Variants in KCTD16 observed in about 807,000 individuals in gnomAD.
KCTD16 encodes the protein BTB/POZ domain-containing protein KCTD16.
A neutral mutation model predicts 33.2 loss-of-function variants in KCTD16; 13 were observed. The observed-to-expected ratio is 0.39, with a 90% confidence interval of 0.25 to 0.62. The LOEUF is 0.62. KCTD16 is among the 20% of genes least tolerant of loss of function. KCTD16 has a pLI of 0.50. For synonymous variants in KCTD16, 197 were observed against 195.3 expected (o/e 1.01, Z -0.07); for missense variants, 441 against 525.1 (o/e 0.84, Z 1.57).
intron 2 of KCTD16, among the ~76,000 whole-genome samples, chr5:144,195,351 C>G (rs1752921232): frequency 6.6e-6 from 1 of 152,232 alleles, no homozygotes; most frequent in South Asian, 2.1e-4. Context: ...CAACAAATGT[C>G]TGCTGATCTG....
intron 3 of KCTD16, among the ~76,000 whole-genome samples, chr5:144,334,502 A>T (rs935021551): frequency 6.6e-6 from 1 of 152,214 alleles, no homozygotes; most frequent in Non-Finnish European, 1.5e-5. Context: ...TAGTATTCTT[A>T]TGACAAAAAG....
At chr5:144,371,263 T>G (rs571536502) in intron 3 of KCTD16, among the ~76,000 whole-genome samples, 25 of 152,272 alleles carry the variant, frequency 1.6e-4, no homozygotes, top group African/African-American at 6.0e-4. Flanking sequence ...TGTACTTTCA[T>G]TTTAGGTTTT....
chr5:144,373,064 A>G lies in KCTD16; in HGVS notation c.833-100596A>G, dbSNP rs60936984. ...GACAGAATGGGAGAATTTGGTGTGA[A>G]TGATGGAATGTGGGATGTCAAGAGT... On this transcript the variant is annotated intron_variant, in intron 3 of 3. Transcript: ENST00000512467. Among the ~76,000 whole-genome samples the G allele has an allele frequency of 3.6e-3, 543 of 152,250 alleles. 5 individuals carry two copies. The highest frequency in any genetic ancestry group is 0.012 in the African/African-American group (511 of 41,560).
At position 144,178,808 on chromosome 5, in the gene KCTD16, A is replaced by G. The variant is rs112395936; in HGVS notation, c.-327+4336A>G. Among the ~76,000 whole-genome samples the G allele has an allele frequency of 1.4e-3, 219 of 152,310 alleles. 4 individuals carry two copies. The highest frequency in any genetic ancestry group is 6.8e-3 in the Middle Eastern group (2 of 294). On this transcript the variant is annotated intron_variant, in intron 2 of 3. Coordinates refer to ENST00000512467, the MANE Select transcript of KCTD16 (RefSeq NM_020768.4). ...ATTTAAAAATTGACTTCTGTACTAA[A>G]TATTATAATACACTACATCCCCTTC... is the stretch of plus-strand genomic sequence containing the variant.
rs1754546218 is a variant in KCTD16 at position 144,474,225 on chromosome 5, G to A, written c.*111G>A. Reference sequence around the variant, plus strand: ...TACAACTAATGATGCACATTTCTTAGAACACAATAGTCCATTGATATACTA... The same window carrying A: ...TACAACTAATGATGCACATTTCTTAAAACACAATAGTCCATTGATATACTA... On this transcript the variant is annotated 3_prime_UTR_variant, in exon 4 of 4. Coordinates refer to ENST00000512467, the MANE Select transcript of KCTD16 (RefSeq NM_020768.4). 1 of 805,038 alleles carries A rather than the reference G, an allele frequency of 1.2e-6. No homozygotes were observed. Among genetic ancestry groups the A allele is most frequent in the South Asian group, 1.9e-5 (1 of 53,830 alleles). 49.9% of individuals were successfully genotyped at this position (805,038 alleles called of 1,614,324 possible).
Position 144,206,769 on chromosome 5 carries a change from G to T in KCTD16, c.55G>T (p.Val19Phe). 1.2e-6 allele frequency: 2 copies of T among 1,614,170 alleles called. No individual in the cohort carries two copies. Among genetic ancestry groups the T allele is most frequent in the Non-Finnish European group, 1.7e-6 (2 of 1,180,030 alleles). ...RYYPREQGSAVPNSFPEVVEL... is the reference protein window; with the variant it reads ...RYYPREQGSAFPNSFPEVVEL... ...TTATCCTCGAGAACAAGGGTCCGCA[G>T]TTCCCAACTCCTTCCCTGAGGTGGT... The change falls in exon 3 of 4, where the codon GTT becomes TTT. Residue 19 changes from valine (V) to phenylalanine (F), a missense_variant. Val to Phe is a conservative substitution (Grantham distance 50). Transcript: ENST00000512467.
At chr5:144,365,289 A>T (rs1372702940) in intron 3 of KCTD16, among the ~76,000 whole-genome samples, 2 of 152,138 alleles carry the variant, frequency 1.3e-5, no homozygotes, top group African/African-American at 4.8e-5. Context: ...AGAAAAAAAT[A>T]ATTCATTTAT....
intron 3 of KCTD16, among the ~76,000 whole-genome samples, chr5:144,412,591 G>T (rs1048133095): frequency 1.3e-5 from 2 of 152,044 alleles, no homozygotes; most frequent in Non-Finnish European, 2.9e-5. Context: ...GAAGAAGATC[G>T]ATCTAATGTT....
intron 3 of KCTD16, among the ~76,000 whole-genome samples, chr5:144,438,125 T>C (rs1410056900): frequency 1.3e-5 from 2 of 152,246 alleles, no homozygotes; most frequent in African/African-American, 4.8e-5. Flanking sequence ...TTTTTACTTT[T>C]TTAAATGCGG....
At chr5:144,421,758 A>G (rs897543288) in intron 3 of KCTD16, among the ~76,000 whole-genome samples, 2 of 152,126 alleles carry the variant, frequency 1.3e-5, no homozygotes, top group Non-Finnish European at 2.9e-5. Context: ...AACAATGATA[A>G]AGATGAGGAA....
intron 3 of KCTD16, among the ~76,000 whole-genome samples, chr5:144,454,912 G>A (rs1012973052): frequency 1.3e-5 from 2 of 152,088 alleles, no homozygotes; most frequent in Non-Finnish European, 2.9e-5. Flanking sequence ...TATATTTTGA[G>A]GTTGGTATCT....
At chr5:144,423,704 G>A (rs1383561422) in intron 3 of KCTD16, among the ~76,000 whole-genome samples, 1 of 152,128 alleles carries the variant, frequency 6.6e-6, no homozygotes, top group East Asian at 1.9e-4. Flanking sequence ...CTAACCCAGT[G>A]GAGATGAGAC....
intron 3 of KCTD16, among the ~76,000 whole-genome samples, chr5:144,279,616 T>C (rs1396651645): frequency 6.6e-6 from 1 of 152,238 alleles, no homozygotes; most frequent in Non-Finnish European, 1.5e-5. Context: ...TGCTGTGTTA[T>C]CTTGTGGAAG....
intron 3 of KCTD16, among the ~76,000 whole-genome samples, chr5:144,341,036 ACT>A (rs1752626150): frequency 6.6e-6 from 1 of 151,960 alleles, no homozygotes; most frequent in Non-Finnish European, 1.5e-5. Flanking sequence ...CAAGAGCAAA[ACT>A]CTGTCTCAAA....
At chr5:144,451,802 G>C (rs1753948385) in intron 3 of KCTD16, among the ~76,000 whole-genome samples, 1 of 152,048 alleles carries the variant, frequency 6.6e-6, no homozygotes, top group Non-Finnish European at 1.5e-5. Flanking sequence ...ATTTGGAACT[G>C]GGGTTTCATC....
chr5:144,301,408 T>C (rs913389128), intron 3 of KCTD16, among the ~76,000 whole-genome samples: 3 of 152,108 alleles, frequency 2.0e-5, no homozygotes, highest in Middle Eastern at 3.2e-3. Flanking sequence ...CTGTAGGCTA[T>C]ATAAGTAGGT....
chr5:144,358,193 C>T (rs1463133199), intron 3 of KCTD16, among the ~76,000 whole-genome samples: 1 of 151,158 alleles, frequency 6.6e-6, no homozygotes, highest in Non-Finnish European at 1.5e-5. Flanking sequence ...CTTGGCCTCC[C>T]AAAGTGCTGG....
At chr5:144,465,321 G>A (rs1754303981) in intron 3 of KCTD16, among the ~76,000 whole-genome samples, 1 of 151,816 alleles carries the variant, frequency 6.6e-6, no homozygotes, top group African/African-American at 2.4e-5. Flanking sequence ...AATCAACAAT[G>A]TACTCTTCTT....
chr5:144,270,800 A>G (rs965271913), intron 3 of KCTD16, among the ~76,000 whole-genome samples: 3 of 151,820 alleles, frequency 2.0e-5, no homozygotes, highest in African/African-American at 7.2e-5. Context: ...GAAAAAAAGA[A>G]TACTCAAATT....
Sources: gnomAD v4.1 joint callset for allele counts (sites outside exome capture counted in the v4.1 genomes callset) on GRCh38, gnomAD v4.1.1 for gene constraint, MANE v1.5 for transcripts, NCBI Gene and HGNC (gene_info 2026-07-23, HGNC 2026-07-21) for gene names.